Variants in GPC5 observed in about 807,000 individuals in gnomAD.
GPC5 encodes glypican 5, also known as glypican-5.
Under a neutral mutation model 53.9 loss-of-function variants are expected in GPC5, and 47 were observed. The ratio of observed to expected loss-of-function variants is 0.87; its 90% CI spans 0.69 to 1.11. GPC5 has a LOEUF of 1.11. GPC5 is among the 50% of genes most tolerant of loss of function. The pLI is 0.00. For missense variants in GPC5, 748 were observed against 713.1 expected, an observed-to-expected ratio of 1.05 and a Z score of -0.56; for synonymous variants, 286 against 263.3, an observed-to-expected ratio of 1.09 and a Z score of -0.84.
At position 92,455,826 on chromosome 13, in the gene GPC5, A is replaced by T. The variant is rs1266216164; in HGVS notation, c.1561+310837A>T. Among the ~76,000 whole-genome samples the T allele has an allele frequency of 2.6e-5, 4 of 152,214 alleles. No individual in the cohort carries two copies. In the South Asian group the frequency reaches 8.3e-4, roughly 32 times the overall value. On this transcript the variant is annotated intron_variant, in intron 7 of 7. Transcript: ENST00000377067. ...TCAAGGCCATCAGGGAAAAATAAAT[A>T]AGCATAACATCACTATTTCAGCGAA...
At chr13:92,575,503 C>T (rs1223157651) in intron 7 of GPC5, among the ~76,000 whole-genome samples, 1 of 152,128 alleles carries the variant, frequency 6.6e-6, no homozygotes, top group African/African-American at 2.4e-5. Context: ...CTGCCAACAC[C>T]TTGATTTTGG....
intron 7 of GPC5, among the ~76,000 whole-genome samples, chr13:92,556,977 G>C (rs1882515815): frequency 1.3e-5 from 2 of 151,824 alleles, no homozygotes. Context: ...CAAGAGAGAA[G>C]GAAAGGAGAG....
intron 2 of GPC5, among the ~76,000 whole-genome samples, chr13:91,637,636 C>T (rs80032146): frequency 0.031 from 4,790 of 152,130 alleles, 221 homozygotes; most frequent in African/African-American, 0.1. Context: ...GCTGGGAAAC[C>T]CTGATACAGA....
chr13:92,308,099 T>C (rs982311687), intron 7 of GPC5, among the ~76,000 whole-genome samples: 5 of 152,082 alleles, frequency 3.3e-5, no homozygotes, highest in Non-Finnish European at 7.4e-5. Context: ...GCTAAAAGTA[T>C]GGTTTGTGGG....
At chr13:91,640,786 G>A (rs537492763) in intron 2 of GPC5, among the ~76,000 whole-genome samples, 67 of 149,594 alleles carry the variant, frequency 4.5e-4, no homozygotes, top group African/African-American at 1.5e-3. Context: ...GTGACAGAGC[G>A]AGACTCCTCA....
intron 2 of GPC5, among the ~76,000 whole-genome samples, chr13:91,668,427 A>G (rs2035168129): frequency 6.6e-6 from 1 of 152,228 alleles, no homozygotes; most frequent in Non-Finnish European, 1.5e-5. Context: ...TGCTAAATGA[A>G]TTTGTGGTAT....
At chr13:92,623,469 C>G (rs1884942145) in intron 7 of GPC5, among the ~76,000 whole-genome samples, 1 of 152,192 alleles carries the variant, frequency 6.6e-6, no homozygotes, top group Admixed American at 6.5e-5. Flanking sequence ...TCACAGCCTT[C>G]TCTCATACAC....
At chr13:92,720,017 G>A (rs1888459857) in intron 7 of GPC5, 1 of 152,146 alleles carries the variant, frequency 6.6e-6, no homozygotes, top group South Asian at 2.1e-4. Flanking sequence ...TGTTCTTGAA[G>A]CTGCCCCAGC....
At chr13:92,376,753 C>T (rs1046824354) in intron 7 of GPC5, among the ~76,000 whole-genome samples, 19 of 152,024 alleles carry the variant, frequency 1.2e-4, no homozygotes, top group African/African-American at 3.6e-4. Flanking sequence ...CAGTGGCTCA[C>T]GCCTGTAATC....
At chr13:91,510,870 T>C (rs2139330796) in intron 2 of GPC5, among the ~76,000 whole-genome samples, 1 of 152,316 alleles carries the variant, frequency 6.6e-6, no homozygotes, top group Middle Eastern at 3.4e-3. Context: ...TATTAGTTCA[T>C]TTAATGTCTT....
At chr13:92,469,866 A>G (rs1002337078) in intron 7 of GPC5, among the ~76,000 whole-genome samples, 2 of 152,114 alleles carry the variant, frequency 1.3e-5, no homozygotes, top group Non-Finnish European at 2.9e-5. Context: ...TACTGAGACA[A>G]TGAGGTACAT....
intron 6 of GPC5, among the ~76,000 whole-genome samples, chr13:92,048,976 A>G (rs963997132): frequency 2.6e-5 from 4 of 152,210 alleles, no homozygotes; most frequent in African/African-American, 9.6e-5. Flanking sequence ...ATTTATTTTA[A>G]TATGAGTAAG....
At chr13:92,744,839 T>C (rs1036108966) in intron 7 of GPC5, among the ~76,000 whole-genome samples, 3 of 152,016 alleles carry the variant, frequency 2.0e-5, no homozygotes, top group African/African-American at 7.2e-5. Context: ...TATATAGCTA[T>C]ACTAAAAGAT....
chr13:92,568,752 A>G (rs1464211921), intron 7 of GPC5, among the ~76,000 whole-genome samples: 21 of 152,256 alleles, frequency 1.4e-4, no homozygotes, highest in Non-Finnish European at 3.1e-4. Flanking sequence ...CAGTGAACAC[A>G]ATGTTATTAT....
chr13:92,384,580 C>G (rs537274052), intron 7 of GPC5, among the ~76,000 whole-genome samples: 1 of 152,188 alleles, frequency 6.6e-6, no homozygotes, highest in South Asian at 2.1e-4. Flanking sequence ...CTTTTCTCTT[C>G]CTTTAAACAA....
intron 2 of GPC5, among the ~76,000 whole-genome samples, chr13:91,604,370 G>A (rs2033286042): frequency 6.6e-6 from 1 of 150,926 alleles, no homozygotes; most frequent in Admixed American, 6.6e-5. Context: ...CATTTGGGTT[G>A]GTTCCAAGTC....
intron 7 of GPC5, among the ~76,000 whole-genome samples, chr13:92,822,001 C>T (rs974544030): frequency 2.6e-5 from 4 of 151,936 alleles, no homozygotes; most frequent in African/African-American, 9.7e-5. Context: ...ACCAGAAAGG[C>T]AGTATTTTAG....
At chr13:92,853,205 A>G (rs938288147) in intron 7 of GPC5, among the ~76,000 whole-genome samples, 14 of 152,210 alleles carry the variant, frequency 9.2e-5, no homozygotes, top group Admixed American at 3.9e-4. Context: ...TCCTTATCTG[A>G]GATTTTAGTT....
At chr13:91,573,252 T>C (rs2032004132) in intron 2 of GPC5, among the ~76,000 whole-genome samples, 1 of 152,202 alleles carries the variant, frequency 6.6e-6, no homozygotes, top group East Asian at 1.9e-4. Context: ...CCTTTGTTTG[T>C]TGGCTCACTT....
Sources: allele counts gnomAD v4.1 joint callset (sites outside exome capture counted in the v4.1 genomes callset), GRCh38; gene constraint gnomAD v4.1.1; transcripts MANE v1.5; gene names NCBI Gene and HGNC (gene_info 2026-07-23, HGNC 2026-07-21).